The following TACC3 variants were observed in gnomAD, a reference collection of about 807,000 sequenced individuals.
The protein encoded by TACC3 is transforming acidic coiled-coil-containing protein 3.
TACC3 carries 52 observed loss-of-function variants against 86.0 expected under a neutral mutation model. The ratio of observed to expected loss-of-function variants is 0.60; its 90% CI spans 0.48 to 0.76. TACC3 has a LOEUF of 0.76. Among genes scored for constraint, TACC3 ranks in the 30% least tolerant of loss-of-function variants. The pLI, the probability that TACC3 is intolerant of heterozygous loss-of-function variation, is 0.00. For missense variants in TACC3, 1,120 were observed against 1,070.4 expected (o/e 1.05, Z -0.65); for synonymous variants, 512 against 430.0 (o/e 1.19, Z -2.36).
At chr4:1,729,840 CCCAGGCACTGGTGCTACCGCTAGA>C (rs1481756575) in intron 4 of TACC3, among the ~76,000 whole-genome samples, 47 of 152,302 alleles carry the variant, frequency 3.1e-4, no homozygotes, top group Non-Finnish European at 5.9e-4. Flanking sequence ...CGGGTGCCTT[CCCAGGCACTGGTGCTACCGCTAGA>C]CCAAGCTAGG....
chr4:1,727,563 G>T (rs1040933931), intron 3 of TACC3, 145 bp from the exon 4 acceptor site: 3 of 1,309,810 alleles, frequency 2.3e-6, no homozygotes, highest in Non-Finnish European at 3.1e-6. Flanking sequence ...ACTGAGGTGG[G>T]GGGTGGAGAA....
chr4:1,742,613 T>G (rs553936446), intron 13 of TACC3, among the ~76,000 whole-genome samples: 8 of 151,586 alleles, frequency 5.3e-5, no homozygotes, highest in Non-Finnish European at 1.2e-4. Flanking sequence ...CCAGCCTGGG[T>G]TACATGATGA....
intron 10 of TACC3, chr4:1,738,026 C>A (rs1429206823): frequency 1.5e-5 from 6 of 413,668 alleles, no homozygotes; most frequent in South Asian, 1.2e-4. Flanking sequence ...GAGTGTCGCC[C>A]CTTTCCTCCC....
At chr4:1,722,917 C>G (rs539083746) in intron 1 of TACC3, among the ~76,000 whole-genome samples, 171 of 152,228 alleles carry the variant, frequency 1.1e-3, no homozygotes, top group Middle Eastern at 3.4e-3. Flanking sequence ...GGTCTTGTCC[C>G]GCTGCCTAGC....
At chr4:1,733,995 A>G (rs1264650851) in intron 6 of TACC3, among the ~76,000 whole-genome samples, 1 of 152,124 alleles carries the variant, frequency 6.6e-6, no homozygotes, top group East Asian at 1.9e-4. Context: ...AAAAAAGAAA[A>G]GAAAACTGAC....
intron 12 of TACC3, 50 bp from the exon 13 acceptor site, chr4:1,740,776 A>G (rs1165251257): frequency 1.3e-6 from 2 of 1,551,604 alleles, no homozygotes; most frequent in Admixed American, 1.9e-5. Flanking sequence ...TCTGGCACCC[A>G]TCGTTTCGGT....
At chr4:1,737,095 C>T (rs984414208) in intron 8 of TACC3, 146 bp from the exon 9 acceptor site, 23 of 644,548 alleles carry the variant, frequency 3.6e-5, no homozygotes, top group Non-Finnish European at 5.8e-5. Flanking sequence ...ATGCTGGATG[C>T]GGGTCTGCGT....
intron 6 of TACC3, among the ~76,000 whole-genome samples, chr4:1,733,063 T>C (rs1211891037): frequency 1.3e-5 from 2 of 152,112 alleles, no homozygotes; most frequent in Non-Finnish European, 2.9e-5. Context: ...ATAAGAGAGC[T>C]CCAGTTTCTC....
At chr4:1,741,822 A>T (rs1349089047) in intron 13 of TACC3, 1 of 152,246 alleles carries the variant, frequency 6.6e-6, no homozygotes, top group Non-Finnish European at 1.5e-5. Context: ...AGCAAGCCTG[A>T]ATACTCTAGG....
rs113093895 is a variant in TACC3 at position 1,739,418 on chromosome 4, G to A, written c.1942-284G>A. Reference sequence around the variant, plus strand: ...CCCCTAGTATCTGCCACTGGGCTGCGGGGGCAGCTGCAGGGACACACACCT... The same window carrying A: ...CCCCTAGTATCTGCCACTGGGCTGCAGGGGCAGCTGCAGGGACACACACCT... On this transcript the variant is annotated intron_variant, in intron 10 of 15. Coordinates refer to ENST00000313288, the MANE Select transcript of TACC3 (RefSeq NM_006342.3). 3,792 of 505,434 alleles carry A rather than the reference G, an allele frequency of 7.5e-3. 137 individuals are homozygous for A. Among genetic ancestry groups the A allele is most frequent in the African/African-American group, 0.065 (3,398 of 52,376 alleles). 31.3% of individuals were successfully genotyped at this position (505,434 alleles called of 1,614,324 possible). A position where few individuals can be genotyped will look rare whatever the true frequency, so the allele number is the denominator to read the frequency against.
rs542390002 is a variant in TACC3 at position 1,723,954 on chromosome 4, C to T, written c.305+84C>T. The T allele has an allele frequency of 3.3e-5, 49 of 1,471,142 alleles. 1 individual carries two copies. In the South Asian group the frequency reaches 5.6e-4, roughly 17 times the overall value. The allele number at this position is 1,471,142 out of a possible 1,614,324, so 91.1% of individuals were successfully genotyped here. A position where few individuals can be genotyped will look rare whatever the true frequency, so the allele number is the denominator to read the frequency against. ...GCAGGAAAGTGCTGTCTTGTTCTATCAGGCCTTGGCTGGATTTTTTGTTTG... is the reference window on the plus strand; with the variant it reads ...GCAGGAAAGTGCTGTCTTGTTCTATTAGGCCTTGGCTGGATTTTTTGTTTG... On this transcript the variant is annotated intron_variant, in intron 3 of 15. Transcript: ENST00000313288.
chr4:1,723,742 A>G lies in TACC3; in HGVS notation c.177A>G (p.Thr59=), dbSNP rs769300866. 1.9e-6 allele frequency: 3 copies of G among 1,613,490 alleles called. No individual in the cohort carries two copies. Among genetic ancestry groups the G allele is most frequent in the Non-Finnish European group, 2.5e-6 (3 of 1,180,008 alleles). ...CTCCGCAACAGGTGACTTTTCAGAC[A>G]CCTCTGCGGGATCCACAGACGCACA... is the stretch of plus-strand genomic sequence containing the variant. ...LAKAMKVTFQ[T]PLRDPQTHRI... The change falls in exon 3 of 16, where the codon ACA becomes ACG. Residue 59 remains threonine (T), a synonymous_variant. Coordinates refer to ENST00000313288, the MANE Select transcript of TACC3 (RefSeq NM_006342.3).
chr4:1,733,885 G>A (rs904272121), intron 6 of TACC3, among the ~76,000 whole-genome samples: 7 of 152,012 alleles, frequency 4.6e-5, no homozygotes, highest in African/African-American at 1.5e-4. Flanking sequence ...GGCTGAGGCG[G>A]GAGAATCGCT....
rs748310677 is a variant in TACC3 at position 1,728,438 on chromosome 4, G to A, written c.1036G>A (p.Ala346Thr). ...VKLEFDVSDG[A>T]TSKRAPPPRR... ...ACTAGAATTTGATGTATCTGATGGCGCCACCAGCAAAAGGGCACCCCCACC... is the reference window on the plus strand; with the variant it reads ...ACTAGAATTTGATGTATCTGATGGCACCACCAGCAAAAGGGCACCCCCACC... Residue 346 changes from alanine to threonine, a missense_variant, in exon 4 of 16, where the codon GCC becomes ACC. Coordinates refer to ENST00000313288, the MANE Select transcript of TACC3 (RefSeq NM_006342.3). 22 of 1,613,748 alleles carry A rather than the reference G, an allele frequency of 1.4e-5. No individual in the cohort carries two copies. The highest frequency in any genetic ancestry group is 2.2e-5 in the East Asian group (1 of 44,882).
At chr4:1,741,489 C>T (rs532534247) in intron 13 of TACC3, 1 of 152,734 alleles carries the variant, frequency 6.5e-6, no homozygotes, top group Non-Finnish European at 1.5e-5. Context: ...GGCCCACATG[C>T]TTGCTGGAAG....
At chr4:1,723,971 TTTTG>T (rs756338867) in intron 3 of TACC3, 101 bp downstream of exon 3, 126 of 1,373,730 alleles carry the variant, frequency 9.2e-5, no homozygotes, top group East Asian at 2.3e-4. Flanking sequence ...TGGCTGGATT[TTTTG>T]TTTGTTTGTT....
Position 1,728,628 on chromosome 4 carries a change from A to G in TACC3, c.1226A>G (p.Lys409Arg), listed in dbSNP as rs1448416624. 4.3e-6 allele frequency: 7 copies of G among 1,613,922 alleles called. No individual in the cohort carries two copies. The highest frequency in any genetic ancestry group is 5.1e-6 in the Non-Finnish European group (6 of 1,180,010). Residue 409 changes from lysine to arginine, a missense_variant, in exon 4 of 16, where the codon AAA becomes AGA. By Grantham distance (26) the Lys-to-Arg change is conservative. Transcript: ENST00000313288. Reference protein sequence around the residue: ...SRGSYHLDWDKMDDPNFIPFG... With the variant: ...SRGSYHLDWDRMDDPNFIPFG... ...GGCTCTTACCACCTCGACTGGGACAAAATGGATGACCCAAACTTCATCCCG... is the reference window on the plus strand; with the variant it reads ...GGCTCTTACCACCTCGACTGGGACAGAATGGATGACCCAAACTTCATCCCG...
intron 13 of TACC3, among the ~76,000 whole-genome samples, chr4:1,742,875 G>C (rs949794661): frequency 5.3e-5 from 8 of 152,008 alleles, no homozygotes; most frequent in Non-Finnish European, 8.8e-5. Flanking sequence ...AACTGAGACA[G>C]AAAATCATTT....
rs1355041715 is a variant in TACC3 at position 1,735,455 on chromosome 4, G to A, written c.1644+130G>A. 18 of 1,099,366 alleles carry A rather than the reference G, an allele frequency of 1.6e-5. No homozygotes were observed. Among genetic ancestry groups the A allele is most frequent in the Middle Eastern group, 2.3e-4 (1 of 4,264 alleles). 68.1% of individuals were successfully genotyped at this position (1,099,366 alleles called of 1,614,324 possible). Reference sequence around the variant, plus strand: ...TGCACACAGGCCCAGGCATTGTGGCGGGCTGTGAATCCAGGGCCCCTTCTG... The same window carrying A: ...TGCACACAGGCCCAGGCATTGTGGCAGGCTGTGAATCCAGGGCCCCTTCTG... On this transcript the variant is annotated intron_variant, in intron 7 of 15. Transcript: ENST00000313288. This position sits in a 1 kb window ranked among gnomAD's most constrained non-coding sequence, Gnocchi z 4.2.
Sources: gnomAD v4.1 joint callset for allele counts (sites outside exome capture counted in the v4.1 genomes callset) on GRCh38, gnomAD v4.1.1 for gene constraint, Gnocchi (gnomAD v3.1) non-coding constraint, MANE v1.5 for transcripts, NCBI Gene and HGNC (gene_info 2026-07-23, HGNC 2026-07-21) for gene names.